The following SUSD6 variants were observed in gnomAD, a reference collection of about 807,000 sequenced individuals.
SUSD6 encodes the protein sushi domain containing 6.
SUSD6 carries 16 observed loss-of-function variants against 28.4 expected under a neutral mutation model. That is an observed-to-expected ratio of 0.56 (90% CI 0.38 to 0.86). The LOEUF (loss-of-function observed/expected upper bound fraction) is 0.86, where lower values mean the gene tolerates loss of function less well. Ranked by LOEUF, SUSD6 falls within the 40% of genes least tolerant of loss-of-function variation. SUSD6 has a pLI of 0.00. For missense variants in SUSD6, 341 were observed against 384.2 expected, an observed-to-expected ratio of 0.89 and a Z score of 0.94; for synonymous variants, 147 against 159.6, an observed-to-expected ratio of 0.92 and a Z score of 0.59.
chr14:69,678,852 T>C (rs919870237), intron 2 of SUSD6, among the ~76,000 whole-genome samples: 2 of 152,150 alleles, frequency 1.3e-5, no homozygotes, highest in Non-Finnish European at 2.9e-5. Context: ...AAAAAAACAA[T>C]GCTGCAAGGA....
At chr14:69,639,967 T>TG (rs1555343350) in intron 1 of SUSD6, among the ~76,000 whole-genome samples, 2 of 148,290 alleles carry the variant, frequency 1.3e-5, no homozygotes, top group African/African-American at 2.5e-5. Context: ...TTTTTTTTTT[T>TG]TTTTTTTTTT....
chr14:69,695,678 C>G (rs1397711295), intron 2 of SUSD6, among the ~76,000 whole-genome samples: 1 of 152,148 alleles, frequency 6.6e-6, no homozygotes, highest in Admixed American at 6.5e-5. Context: ...TTCTGGGGTT[C>G]AAATCCTAAC....
intron 1 of SUSD6, among the ~76,000 whole-genome samples, chr14:69,649,577 T>G (rs1032504516): frequency 2.6e-5 from 4 of 152,254 alleles, no homozygotes; most frequent in Admixed American, 2.6e-4. Context: ...CTTGTGAGTT[T>G]ATCTTTTTTT....
At chr14:69,643,236 G>A (rs1595038916) in intron 1 of SUSD6, among the ~76,000 whole-genome samples, 1 of 152,334 alleles carries the variant, frequency 6.6e-6, no homozygotes, top group East Asian at 1.9e-4. Context: ...ACTAGAGGTA[G>A]ATATTCCTCA....
At chr14:69,698,980 AC>A (rs1886273855) in intron 2 of SUSD6, among the ~76,000 whole-genome samples, 4 of 152,212 alleles carry the variant, frequency 2.6e-5, no homozygotes. Flanking sequence ...CCTTCTGCGA[AC>A]CTGGAATTGT....
intron 2 of SUSD6, among the ~76,000 whole-genome samples, chr14:69,690,982 C>A (rs552077809): frequency 5.9e-5 from 9 of 152,188 alleles, no homozygotes; most frequent in African/African-American, 2.2e-4. Context: ...CCCCACCCCC[C>A]AGAATGTACA....
intron 2 of SUSD6, among the ~76,000 whole-genome samples, chr14:69,674,480 G>A (rs772572702): frequency 2.6e-5 from 4 of 151,992 alleles, no homozygotes; most frequent in African/African-American, 4.8e-5. Flanking sequence ...CATGTACGTC[G>A]AGTGCTTTGG....
At chr14:69,617,467 AC>A (rs1352518014) in intron 1 of SUSD6, 1 of 152,202 alleles carries the variant, frequency 6.6e-6, no homozygotes, top group Non-Finnish European at 1.5e-5. Flanking sequence ...AAAATCCAAA[AC>A]CCAAAAACAA....
chr14:69,639,189 G>A (rs191134825), intron 1 of SUSD6, among the ~76,000 whole-genome samples: 7 of 151,750 alleles, frequency 4.6e-5, no homozygotes, highest in Non-Finnish European at 7.4e-5. Flanking sequence ...TTAGCCAGGC[G>A]TTGTGGCGGG....
At position 69,637,163 on chromosome 14, in the gene SUSD6, C is replaced by T. The variant is rs186720091; in HGVS notation, c.-80-21350C>T. The stretch of plus-strand genomic sequence containing the variant: ...TTCTCCTTGGAATGCCCCACCACTC[C>T]CTGTACCCACCTCTTTCTGCTCTGT... On this transcript the variant is annotated intron_variant, in intron 1 of 5. Transcript: ENST00000342745. Among the ~76,000 whole-genome samples the T allele has an allele frequency of 1.5e-3, 234 of 152,212 alleles. 2 individuals are homozygous for T. Among genetic ancestry groups the T allele is most frequent in the Middle Eastern group, 0.014 (4 of 294 alleles).
chr14:69,687,470 A>G (rs1455984582), intron 2 of SUSD6, among the ~76,000 whole-genome samples: 1 of 152,210 alleles, frequency 6.6e-6, no homozygotes, highest in Non-Finnish European at 1.5e-5. Flanking sequence ...CTGCTCAAAC[A>G]TTGCTAGCCT....
chr14:69,678,819 T>A (rs563184446), intron 2 of SUSD6, among the ~76,000 whole-genome samples: 21 of 152,174 alleles, frequency 1.4e-4, no homozygotes, highest in African/African-American at 5.1e-4. Flanking sequence ...AGAAAAATAG[T>A]TAACAAAAGA....
intron 2 of SUSD6, among the ~76,000 whole-genome samples, chr14:69,695,359 T>C (rs1369742262): frequency 6.6e-6 from 1 of 152,188 alleles, no homozygotes. Flanking sequence ...GGATGATCTC[T>C]AGCCCCTCAC....
intron 1 of SUSD6, among the ~76,000 whole-genome samples, chr14:69,619,598 G>GAAAA (rs10554011): frequency 8.4e-6 from 1 of 119,134 alleles, no homozygotes; most frequent in African/African-American, 2.9e-5. Flanking sequence ...CATCTCTACA[G>GAAAA]AAAAAAAAAA....
intron 2 of SUSD6, among the ~76,000 whole-genome samples, chr14:69,684,366 C>T (rs1293290496): frequency 6.6e-6 from 1 of 152,156 alleles, no homozygotes; most frequent in African/African-American, 2.4e-5. Flanking sequence ...AAAAAGTGTT[C>T]TTAGTAGAAT....
chr14:69,629,572 G>C (rs1595033461), intron 1 of SUSD6, among the ~76,000 whole-genome samples: 1 of 152,356 alleles, frequency 6.6e-6, no homozygotes, highest in South Asian at 2.1e-4. Context: ...TTCCCTCTGA[G>C]TGACCTCTGG....
chr14:69,659,905 G>C (rs192516992), intron 2 of SUSD6, among the ~76,000 whole-genome samples: 1 of 152,066 alleles, frequency 6.6e-6, no homozygotes, highest in East Asian at 1.9e-4. Flanking sequence ...TGATCTTCTA[G>C]ACAAAATGTC....
At chr14:69,647,669 A>T (rs566506099) in intron 1 of SUSD6, among the ~76,000 whole-genome samples, 1 of 152,172 alleles carries the variant, frequency 6.6e-6, no homozygotes, top group African/African-American at 2.4e-5. Context: ...AAAAAAGGAA[A>T]AAAGGAGAAA....
chr14:69,653,269 C>A (rs1885529574), intron 1 of SUSD6, among the ~76,000 whole-genome samples: 2 of 152,144 alleles, frequency 1.3e-5, no homozygotes, highest in African/African-American at 4.8e-5. Context: ...CCTCCTGCTA[C>A]CACCAGGTGT....
Sources: gnomAD v4.1 joint callset for allele counts (sites outside exome capture counted in the v4.1 genomes callset) on GRCh38, gnomAD v4.1.1 for gene constraint, MANE v1.5 for transcripts, NCBI Gene and HGNC (gene_info 2026-07-23, HGNC 2026-07-21) for gene names.